The following KCNB2 variants were observed in gnomAD, a reference collection of about 807,000 sequenced individuals.
KCNB2 encodes the protein delayed rectifier potassium channel protein.
A neutral mutation model predicts 61.5 loss-of-function variants in KCNB2; 15 were observed. The ratio of observed to expected loss-of-function variants is 0.24; its 90% confidence interval spans 0.16 to 0.38. The LOEUF (loss-of-function observed/expected upper bound fraction) is 0.38. Ranked by LOEUF, KCNB2 falls within the 10% of genes least tolerant of loss-of-function variation. The probability of loss-of-function intolerance (pLI) is 1.00; values close to 1 mark genes in which losing one functional copy is unlikely to be tolerated. For missense variants in KCNB2, 828 were observed against 1,125.2 expected (o/e 0.74, Z 3.78); for synonymous variants, 457 against 446.0 (o/e 1.02, Z -0.31).
intron 2 of KCNB2, among the ~76,000 whole-genome samples, chr8:72,740,422 T>A (rs541902997): frequency 6.6e-6 from 1 of 152,256 alleles, no homozygotes; most frequent in South Asian, 2.1e-4. Flanking sequence ...AGTTCTTCAA[T>A]AAGAAATTGA....
intron 2 of KCNB2, among the ~76,000 whole-genome samples, chr8:72,755,461 C>T (rs1260899579): frequency 6.6e-6 from 1 of 152,166 alleles, no homozygotes; most frequent in Non-Finnish European, 1.5e-5. Context: ...ATGCAAATTT[C>T]TTACAAATCT....
chr8:72,589,317 G>A (rs918617007), intron 2 of KCNB2, among the ~76,000 whole-genome samples: 6 of 151,790 alleles, frequency 4.0e-5, no homozygotes, highest in Non-Finnish European at 7.4e-5. Context: ...TCTGTTTTGC[G>A]TCAAAGTTTG....
intron 2 of KCNB2, among the ~76,000 whole-genome samples, chr8:72,793,570 T>C (rs1808979764): frequency 6.6e-6 from 1 of 152,170 alleles, no homozygotes; most frequent in Admixed American, 6.5e-5. Context: ...TCTGACTGCA[T>C]CTTCCAGATC....
chr8:72,724,424 A>T (rs1381808600), intron 2 of KCNB2, among the ~76,000 whole-genome samples: 1 of 152,238 alleles, frequency 6.6e-6, no homozygotes, highest in Non-Finnish European at 1.5e-5. Flanking sequence ...CAAATATGCC[A>T]TAAGATTTTG....
chr8:72,888,093 TTTGTTGTTGTTG>T (rs146706652), intron 2 of KCNB2, among the ~76,000 whole-genome samples: 1 of 152,016 alleles, frequency 6.6e-6, no homozygotes, highest in East Asian at 1.9e-4. Context: ...TGATTGCCAG[TTTGTTGTTGTTG>T]TTGTTGTTGT....
chr8:72,739,418 A>G (rs975949462), intron 2 of KCNB2, among the ~76,000 whole-genome samples: 12 of 152,082 alleles, frequency 7.9e-5, no homozygotes, highest in African/African-American at 2.9e-4. Context: ...ACTTTGTGAA[A>G]TTGCTGGCAT....
At chr8:72,744,253 ATG>A (rs1412972009) in intron 2 of KCNB2, among the ~76,000 whole-genome samples, 1 of 152,180 alleles carries the variant, frequency 6.6e-6, no homozygotes, top group Non-Finnish European at 1.5e-5. Flanking sequence ...GCTCTTTCAT[ATG>A]TGTATGTGAC....
intron 2 of KCNB2, among the ~76,000 whole-genome samples, chr8:72,702,947 C>T (rs1371279064): frequency 6.6e-6 from 1 of 152,184 alleles, no homozygotes; most frequent in Non-Finnish European, 1.5e-5. Flanking sequence ...TACCCTTCTG[C>T]ACAGTGACCT....
chr8:72,569,038 T>C (rs1806669811), intron 2 of KCNB2, among the ~76,000 whole-genome samples: 1 of 152,198 alleles, frequency 6.6e-6, no homozygotes, highest in South Asian at 2.1e-4. Context: ...AATCTCACAG[T>C]AAATTTTTTG....
intron 2 of KCNB2, among the ~76,000 whole-genome samples, chr8:72,632,013 G>A (rs1805889403): frequency 6.6e-6 from 1 of 152,104 alleles, no homozygotes; most frequent in Non-Finnish European, 1.5e-5. Flanking sequence ...GAGGCAGGAG[G>A]ATCACTTGAG....
chr8:72,656,220 T>C (rs1327617005), intron 2 of KCNB2, among the ~76,000 whole-genome samples: 3 of 152,132 alleles, frequency 2.0e-5, no homozygotes, highest in Non-Finnish European at 1.5e-5. Flanking sequence ...TTCAATGATA[T>C]TTTCCAAATG....
chr8:72,690,162 G>T (rs1328763707), intron 2 of KCNB2, among the ~76,000 whole-genome samples: 2 of 152,218 alleles, frequency 1.3e-5, no homozygotes, highest in South Asian at 4.2e-4. Context: ...AGCTTTGAAA[G>T]CTGGGAAGAA....
intron 2 of KCNB2, among the ~76,000 whole-genome samples, chr8:72,727,504 C>G (rs1416287121): frequency 6.6e-6 from 1 of 152,128 alleles, no homozygotes; most frequent in African/African-American, 2.4e-5. Flanking sequence ...CATTCAAAAG[C>G]CAAGTAGAGC....
intron 2 of KCNB2, among the ~76,000 whole-genome samples, chr8:72,807,890 A>G (rs1809249538): frequency 6.6e-6 from 1 of 152,200 alleles, no homozygotes; most frequent in South Asian, 2.1e-4. Flanking sequence ...GTGACATACT[A>G]ATTTACTTAC....
chr8:72,800,936 C>A (rs1809115525), intron 2 of KCNB2, among the ~76,000 whole-genome samples: 3 of 152,128 alleles, frequency 2.0e-5, no homozygotes, highest in Admixed American at 1.3e-4. Context: ...AAGAGTGAAA[C>A]TTCAGTTCCA....
intron 2 of KCNB2, among the ~76,000 whole-genome samples, chr8:72,642,247 T>C (rs1806066953): frequency 6.6e-6 from 1 of 152,128 alleles, no homozygotes; most frequent in South Asian, 2.1e-4. Flanking sequence ...CATTAATAAT[T>C]TTATATGGAT....
At chr8:72,639,073 A>G (rs1248576706) in intron 2 of KCNB2, among the ~76,000 whole-genome samples, 2 of 152,176 alleles carry the variant, frequency 1.3e-5, no homozygotes, top group Non-Finnish European at 2.9e-5. Context: ...GCATGGGCTG[A>G]TAATATGAAT....
chr8:72,630,011 G>A (rs1327847851), intron 2 of KCNB2, among the ~76,000 whole-genome samples: 1 of 152,206 alleles, frequency 6.6e-6, no homozygotes, highest in Non-Finnish European at 1.5e-5. Flanking sequence ...CCTATTTGAA[G>A]CATGGTTGTC....
chr8:72,762,505 C>T (rs1400205011), intron 2 of KCNB2, among the ~76,000 whole-genome samples: 1 of 152,174 alleles, frequency 6.6e-6, no homozygotes, highest in Non-Finnish European at 1.5e-5. Flanking sequence ...AAGTCCTGTA[C>T]TGCTTGGCAC....
Sources: allele counts gnomAD v4.1 joint callset (sites outside exome capture counted in the v4.1 genomes callset), GRCh38; gene constraint gnomAD v4.1.1; transcripts MANE v1.5; gene names NCBI Gene and HGNC (gene_info 2026-07-23, HGNC 2026-07-21).